CDKL1: variants seen among roughly 807,000 people sequenced by gnomAD.
CDKL1 encodes the protein cyclin-dependent kinase-like 1.
Under a neutral mutation model 42.0 loss-of-function variants are expected in CDKL1, and 41 were observed. The observed-to-expected ratio is 0.98, with a 90% confidence interval of 0.76 to 1.27. The LOEUF is 1.27. CDKL1 is among the 50% of genes most tolerant of loss of function. The pLI is 0.00. For missense variants in CDKL1, 394 were observed against 428.4 expected, an observed-to-expected ratio of 0.92 and a Z score of 0.71; for synonymous variants, 153 against 158.6, an observed-to-expected ratio of 0.96 and a Z score of 0.26.
intron 6 of CDKL1, among the ~76,000 whole-genome samples, chr14:50,340,583 C>G (rs778369426): frequency 5.3e-5 from 8 of 152,198 alleles, no homozygotes; most frequent in Non-Finnish European, 1.2e-4. Context: ...AGCTTTCCTC[C>G]TGACACTTAG....
chr14:50,345,171 A>C (rs1367193359), intron 3 of CDKL1, 113 bp from the exon 4 acceptor site: 1 of 840,754 alleles, frequency 1.2e-6, no homozygotes, highest in Non-Finnish European at 1.9e-6. Context: ...CTTAGGTGAC[A>C]CATAGTCATC....
intron 2 of CDKL1, among the ~76,000 whole-genome samples, chr14:50,360,372 C>A (rs540095122): frequency 2.0e-5 from 3 of 152,128 alleles, no homozygotes; most frequent in Non-Finnish European, 4.4e-5. Flanking sequence ...TTCCTCCCCC[C>A]AGTCCCTGCC....
intron 2 of CDKL1, chr14:50,362,262 C>G (rs1254871257): frequency 2.6e-6 from 1 of 383,622 alleles, no homozygotes; most frequent in African/African-American, 2.2e-5. Context: ...ATCGACCACC[C>G]AAGGACTGAG....
At chr14:50,377,665 A>C (rs1457583094) in intron 2 of CDKL1, 1 of 1,350,652 alleles carries the variant, frequency 7.4e-7, no homozygotes, top group Non-Finnish European at 9.9e-7. Context: ...AGGGAGGTGT[A>C]GCAACACAGT....
chr14:50,340,826 GAGTA>G (rs2033488791), intron 6 of CDKL1, among the ~76,000 whole-genome samples: 1 of 152,192 alleles, frequency 6.6e-6, no homozygotes, highest in Non-Finnish European at 1.5e-5. Flanking sequence ...TTTGGACAAT[GAGTA>G]AGTACTCAAT....
chr14:50,351,564 T>C (rs574585498), intron 3 of CDKL1, among the ~76,000 whole-genome samples: 53 of 151,978 alleles, frequency 3.5e-4, no homozygotes, highest in African/African-American at 1.3e-3. Flanking sequence ...TGATATCCCA[T>C]CTCTACAAAA....
intron 3 of CDKL1, among the ~76,000 whole-genome samples, chr14:50,351,370 A>G (rs1257254382): frequency 2.0e-5 from 3 of 152,152 alleles, no homozygotes; most frequent in South Asian, 2.1e-4. Flanking sequence ...TTACCAAGAA[A>G]AAAAAATGGA....
At chr14:50,336,727 T>C (rs1006207418) in intron 7 of CDKL1, among the ~76,000 whole-genome samples, 1 of 152,150 alleles carries the variant, frequency 6.6e-6, no homozygotes, top group African/African-American at 2.4e-5. Flanking sequence ...TGAAATGTTT[T>C]TGATTACAAT....
intron 2 of CDKL1, among the ~76,000 whole-genome samples, chr14:50,389,893 G>A (rs946693936): frequency 1.3e-5 from 2 of 152,162 alleles, no homozygotes; most frequent in East Asian, 3.8e-4. Flanking sequence ...CACATGGCAT[G>A]AACTTGGGGA....
At chr14:50,352,854 G>GT (rs1566586726) in intron 3 of CDKL1, among the ~76,000 whole-genome samples, 1 of 152,168 alleles carries the variant, frequency 6.6e-6, no homozygotes, top group East Asian at 1.9e-4. Context: ...GAGTGCCAAC[G>GT]TATTCACCCA....
At chr14:50,368,519 C>T (rs1164392431) in intron 2 of CDKL1, among the ~76,000 whole-genome samples, 4 of 152,198 alleles carry the variant, frequency 2.6e-5, no homozygotes, top group African/African-American at 7.2e-5. Context: ...TCACCCTAGC[C>T]TCCCAAATTG....
chr14:50,346,562 G>C (rs2033730026), intron 3 of CDKL1, among the ~76,000 whole-genome samples: 1 of 151,816 alleles, frequency 6.6e-6, no homozygotes, highest in Non-Finnish European at 1.5e-5. Flanking sequence ...TGGACTTAAG[G>C]GATCCTCCTG....
Position 50,332,138 on chromosome 14 carries a change from C to G in CDKL1, c.966+124G>C, listed in dbSNP as rs11570877. 1,871 of 1,611,756 alleles carry G rather than the reference C, an allele frequency of 1.2e-3. 21 individuals are homozygous for G. The African/African-American group carries it at 0.022, about 19-fold the overall frequency. ...TCCCTGGGGCCCTGGTTGATAGATC[C>G]TATGACCTGTCTCCTAGTGCTGGAA... On this transcript the variant is annotated intron_variant, in intron 9 of 9. Coordinates refer to ENST00000395834, the MANE Select transcript of CDKL1 (RefSeq NM_004196.7).
Position 50,332,247 on chromosome 14 carries a change from A to T in CDKL1, c.966+15T>A, listed in dbSNP as rs766031251. On this transcript the variant is annotated intron_variant, in intron 9 of 9. Transcript: ENST00000395834. ...TGTACCAGGTGGCAGGTAGGAGATC[A>T]TTTCAAATTATAACCTTGGATGTTT... is the stretch of plus-strand genomic sequence containing the variant. 9 of 1,614,174 alleles carry T rather than the reference A, an allele frequency of 5.6e-6. No homozygotes were observed. Among genetic ancestry groups the T allele is most frequent in the Non-Finnish European group, 7.6e-6 (9 of 1,180,016 alleles).
At chr14:50,393,283 G>A (rs1229295299) in intron 2 of CDKL1, among the ~76,000 whole-genome samples, 1 of 152,200 alleles carries the variant, frequency 6.6e-6, no homozygotes, top group Admixed American at 6.5e-5. Flanking sequence ...TCTATAAGGG[G>A]TGAGAGCCAA....
intron 7 of CDKL1, among the ~76,000 whole-genome samples, chr14:50,335,295 CAAAAAAAAAAA>C (rs55777134): frequency 0.016 from 850 of 54,392 alleles, 20 homozygotes; most frequent in African/African-American, 0.051. Flanking sequence ...GACCCTGTCT[CAAAAAAAAAAA>C]AAAAAAAAAA....
chr14:50,340,948 G>A (rs1162263036), intron 6 of CDKL1, 84 bp downstream of exon 6: 1 of 1,452,770 alleles, frequency 6.9e-7, no homozygotes, highest in Non-Finnish European at 9.4e-7. Flanking sequence ...AGGGCATTAG[G>A]TGAGACTGAG....
intron 2 of CDKL1, among the ~76,000 whole-genome samples, chr14:50,388,291 T>G (rs896679226): frequency 1.3e-5 from 2 of 152,230 alleles, no homozygotes; most frequent in Non-Finnish European, 2.9e-5. Flanking sequence ...CTAGGGAGCA[T>G]TTACATGGTA....
At position 50,359,049 on chromosome 14, in the gene CDKL1, T is replaced by C; in HGVS notation, c.269A>G (p.Glu90Gly). ...FEYCDHTVLH[E>G]LDRYQRGVPE... ...TCACCCTCTTTGGTATCTGTCCAAC[T>C]CATGGAGAACTGTGTGGTCACAATA... Residue 90 changes from glutamate (E) to glycine (G), a missense_variant, in exon 3 of 10, where the codon GAG becomes GGG. By Grantham distance (98) the Glu-to-Gly change is moderately conservative (BLOSUM62 -2). Coordinates refer to ENST00000395834, the MANE Select transcript of CDKL1 (RefSeq NM_004196.7). 1 of 1,612,816 alleles carries C rather than the reference T, an allele frequency of 6.2e-7. No individual in the cohort carries two copies. The highest frequency in any genetic ancestry group is 8.5e-7 in the Non-Finnish European group (1 of 1,178,904).
Sources: gnomAD v4.1 joint callset for allele counts (sites outside exome capture counted in the v4.1 genomes callset) on GRCh38, gnomAD v4.1.1 for gene constraint, MANE v1.5 for transcripts, NCBI Gene and HGNC (gene_info 2026-07-23, HGNC 2026-07-21) for gene names.